Variants in ZNF318 observed in about 807,000 individuals in gnomAD.
The protein encoded by ZNF318 is endocrine regulator.
Under a neutral mutation model 124.2 loss-of-function variants are expected in ZNF318, and 51 were observed. The ratio of observed to expected loss-of-function variants is 0.41; its 90% CI spans 0.33 to 0.52. ZNF318 has a LOEUF of 0.52. Ranked by LOEUF, ZNF318 falls within the 20% of genes least tolerant of loss-of-function variation. The pLI is 0.23. For missense variants in ZNF318, 2,815 were observed against 2,811.2 expected (o/e 1.00, Z -0.03); for synonymous variants, 1,090 against 1,040.7 (o/e 1.05, Z -0.91).
chr6:43,349,346 CA>C (rs1779496391), intron 5 of ZNF318, among the ~76,000 whole-genome samples: 1 of 149,946 alleles, frequency 6.7e-6, no homozygotes, highest in Non-Finnish European at 1.5e-5. Context: ...GACACTTTAA[CA>C]ACTTCTTCAA....
chr6:43,342,432 T>C (rs112223153), intron 7 of ZNF318, among the ~76,000 whole-genome samples: 462 of 148,432 alleles, frequency 3.1e-3, no homozygotes, highest in African/African-American at 0.011. Context: ...AAAAATCAGG[T>C]ACTCAAGGAA....
Position 43,340,317 on chromosome 6 carries a change from G to C in ZNF318, c.3681C>G (p.Asp1227Glu), listed in dbSNP as rs773787811. ...AKAVKEVKED[D>E]KVSEKLEDQL... ...GGTCTTCTAATTTCTCAGAGACCTT[G>C]TCATCCTCCTTTACTTCTTTCACAG... The change falls in exon 10 of 10, where the codon GAC (aspartate) becomes GAG (glutamate). Residue 1227 changes from aspartate to glutamate, a missense_variant. By Grantham distance (45) the Asp-to-Glu change is conservative. Around this residue, in one of 4 missense-constraint regions of ZNF318, gnomAD observed 500 missense variants for 605.2 expected, o/e 0.83. Coordinates refer to ENST00000361428, the MANE Select transcript of ZNF318 (RefSeq NM_014345.3). 6.2e-7 allele frequency: 1 copy of C among 1,614,044 alleles called. No individual in the cohort carries two copies. The highest frequency in any genetic ancestry group is 1.1e-5 in the South Asian group (1 of 91,066).
In ZNF318 at chr6:43,357,699, A is replaced by AT; in HGVS notation, c.614dup (p.Tyr205Ter). 6.2e-7 allele frequency: 1 copy of AT among 1,611,448 alleles called. No homozygotes were observed. The highest frequency in any genetic ancestry group is 8.5e-7 in the Non-Finnish European group (1 of 1,179,988). Residue 205 changes from tyrosine (Y) to a stop codon, truncating the protein, a stop_gained and frameshift_variant, in exon 3 of 10, where the codon TAT becomes TAAT. Coordinates refer to ENST00000361428, the MANE Select transcript of ZNF318 (RefSeq NM_014345.3). LOFTEE classifies it high-confidence loss of function. ...TGAGAGGCCCTTCCTCCTGGGAAAT[A>AT]TATCGCTCAAGACCCCGAGAGCACT... ...SSQCSRGLER[Y>*]ISQEEGPLSP...
At chr6:43,349,489 G>A (rs533615221) in intron 5 of ZNF318, among the ~76,000 whole-genome samples, 1 of 150,050 alleles carries the variant, frequency 6.7e-6, no homozygotes, top group South Asian at 2.1e-4. Flanking sequence ...GCCTCTGAAA[G>A]TGCTGGGATA....
chr6:43,352,594 C>A, intron 4 of ZNF318, 118 bp from the exon 5 acceptor site: 1 of 859,534 alleles, frequency 1.2e-6, no homozygotes, highest in Non-Finnish European at 1.9e-6. Context: ...AATGCCTGCA[C>A]ACAGGCTCTG....
rs1779338322 is a variant in ZNF318 at position 43,339,418 on chromosome 6, C to T, written c.4580G>A (p.Arg1527Gln). The T allele has an allele frequency of 1.2e-5, 20 of 1,613,236 alleles. No homozygotes were observed. The highest frequency in any genetic ancestry group is 5.5e-5 in the South Asian group (5 of 91,040). ...ETAPGVSESD[R>Q]DQTLFSVLVR... ...TAACACAGAGAACAGGGTCTGGTCT[C>T]GGTCACTCTCACTCACCCCAGGAGC... is the stretch of plus-strand genomic sequence containing the variant. Residue 1527 changes from arginine to glutamine, a missense_variant, in exon 10 of 10, where the codon CGA becomes CAA. Arg to Gln is a conservative substitution (Grantham distance 43, BLOSUM62 1). Transcript: ENST00000361428. The surrounding 1 kb of genome is among the most constrained non-coding windows in gnomAD (Gnocchi z 4.2).
intron 3 of ZNF318, 39 bp downstream of exon 3, chr6:43,357,087 G>C (rs1383038785): frequency 1.3e-6 from 2 of 1,565,398 alleles, no homozygotes; most frequent in East Asian, 2.2e-5. Flanking sequence ...AGATATTAGG[G>C]AGACTAGCAA....
intron 6 of ZNF318, among the ~76,000 whole-genome samples, chr6:43,345,042 C>T (rs1327130193): frequency 6.6e-6 from 1 of 151,604 alleles, no homozygotes; most frequent in African/African-American, 2.4e-5. Flanking sequence ...CTTAGGAGTT[C>T]GGGACCAGCC....
Position 43,365,350 on chromosome 6 carries a change from G to A in ZNF318, c.490C>T (p.Arg164Trp), listed in dbSNP as rs757230046. ...NDHFCVSTPE[R>W]RRLSDRLGSP... ...CCCAGCCGATCACTAAGCCGTCGCCGTTCTGGTGTGCTAACACAGAAGTGG... is the reference window on the plus strand; with the variant it reads ...CCCAGCCGATCACTAAGCCGTCGCCATTCTGGTGTGCTAACACAGAAGTGG... The change falls in exon 2 of 10, where the codon CGG becomes TGG. Residue 164 changes from arginine to tryptophan, a missense_variant. By Grantham distance (101) the Arg-to-Trp change is moderately radical. Around this residue, in one of 4 missense-constraint regions of ZNF318, gnomAD observed 1,377 missense variants for 1,353.5 expected, o/e 1.02. Transcript: ENST00000361428. The A allele has an allele frequency of 1.2e-5, 19 of 1,614,148 alleles. No individual in the cohort carries two copies. The highest frequency in any genetic ancestry group is 6.7e-5 in the African/African-American group (5 of 75,038).
intron 6 of ZNF318, among the ~76,000 whole-genome samples, chr6:43,343,791 T>C (rs1779404440): frequency 1.5e-5 from 2 of 134,422 alleles, no homozygotes; most frequent in South Asian, 4.6e-4. Flanking sequence ...ATTGTGCCAC[T>C]GCACTCCAGC....
At chr6:43,348,204 T>A in intron 6 of ZNF318, 120 bp downstream of exon 6, 1 of 1,035,340 alleles carries the variant, frequency 9.7e-7, no homozygotes, top group East Asian at 2.4e-5. Context: ...ATCTATACTG[T>A]AAGAAAATAA....
At position 43,342,836 on chromosome 6, in the gene ZNF318, T is replaced by A. The variant is rs778365453; in HGVS notation, c.3116A>T (p.Lys1039Met). The change falls in exon 7 of 10, where the codon AAG becomes ATG. Residue 1039 changes from lysine (K) to methionine (M), a missense_variant. Around this residue, in one of 4 missense-constraint regions of ZNF318, gnomAD observed 1,377 missense variants for 1,353.5 expected, o/e 1.02. Transcript: ENST00000361428. ...NNEKFRTKSP[K>M]PAESPQSATK... ...GGCTGACTGGGGGCTTTCGGCAGGC[T>A]TGGGGCTCTTAGTACGAAACTTCTC... 6.2e-7 allele frequency: 1 copy of A among 1,613,926 alleles called. No homozygotes were observed. The highest frequency in any genetic ancestry group is 8.5e-7 in the Non-Finnish European group (1 of 1,179,836).
chr6:43,359,301 G>T (rs4714677), intron 2 of ZNF318, among the ~76,000 whole-genome samples: 70,494 of 152,012 alleles, frequency 0.46, 19,370 homozygotes, highest in East Asian at 0.66. Context: ...AAAGGTCTCA[G>T]ACCTTTGTGG....
At chr6:43,362,796 G>A (rs923300864) in intron 2 of ZNF318, among the ~76,000 whole-genome samples, 1 of 152,034 alleles carries the variant, frequency 6.6e-6, no homozygotes, top group African/African-American at 2.4e-5. Flanking sequence ...GAGCCACTGC[G>A]CCAGGCCCAA....
rs1050712803 is a variant in ZNF318, at chr6:43,352,396, C to G, written c.2751G>C (p.Glu917Asp). 1.9e-6 allele frequency: 3 copies of G among 1,614,158 alleles called. No individual in the cohort carries two copies. The highest frequency in any genetic ancestry group is 1.7e-6 in the Non-Finnish European group (2 of 1,180,020). ...TGATACCTTGTTGTTTATGAAGCCG[C>G]TCTAACTCGGTCCTAAGATAGTACA... ...KKMYYLRTEL[E>D]RLHKQQGEML... is the part of the protein sequence containing the mutation. Residue 917 changes from glutamate to aspartate, a missense_variant, in exon 5 of 10, where the codon GAG (glutamate) becomes GAC (aspartate). Around this residue, in one of 4 missense-constraint regions of ZNF318, gnomAD observed 1,377 missense variants for 1,353.5 expected, o/e 1.02. Transcript: ENST00000361428.
Position 43,340,521 on chromosome 6 carries a change from AAG to A in ZNF318, c.3496-21_3496-20del. The A allele has an allele frequency of 1.3e-6, 2 of 1,564,300 alleles. No homozygotes were observed. The highest frequency in any genetic ancestry group is 1.7e-6 in the Non-Finnish European group (2 of 1,161,852). ...CATATTTCTGGGAAGAAAAAAGATA[AAG>A]ACTCAAAAACTGGTGAAAATACAAG... On this transcript the variant is annotated intron_variant, in intron 9 of 9. Transcript: ENST00000361428.
intron 5 of ZNF318, 121 bp downstream of exon 5, chr6:43,352,256 T>TCACCACCATCATCTCGGAG: frequency 1.4e-6 from 1 of 723,582 alleles, no homozygotes; most frequent in Non-Finnish European, 2.3e-6. Flanking sequence ...TTTGTAAGTT[T>TCACCACCATCATCTCGGAG]AATTACGTCA....
chr6:43,353,091 G>A (rs1779555457), intron 4 of ZNF318, among the ~76,000 whole-genome samples: 2 of 152,130 alleles, frequency 1.3e-5, no homozygotes, highest in East Asian at 1.9e-4. Context: ...AGGCCTGTAT[G>A]TGTCTATAAT....
In ZNF318 at chr6:43,354,966, C is replaced by A; in HGVS notation, c.2368G>T (p.Ala790Ser). 6.2e-6 allele frequency: 10 copies of A among 1,609,554 alleles called. No individual in the cohort carries two copies. The highest frequency in any genetic ancestry group is 8.5e-6 in the Non-Finnish European group (10 of 1,177,570). The change falls in exon 4 of 10, where the codon GCC becomes TCC. Residue 790 changes from alanine (A) to serine (S), a missense_variant. Physicochemically the swap from Ala to Ser is moderately conservative, Grantham distance 99. Coordinates refer to ENST00000361428, the MANE Select transcript of ZNF318 (RefSeq NM_014345.3). ...GPAIPPASFD[A>S]YRHYMAYAAS... ...GCATATGCCATGTAGTGCCTATAGG[C>A]ATCAAAAGAGGCAGGGGGAATGGCA...
Sources: gnomAD v4.1 joint callset for allele counts (sites outside exome capture counted in the v4.1 genomes callset) on GRCh38, gnomAD v4.1.1 for gene constraint, gnomAD v4.1.1 regional missense constraint, Gnocchi (gnomAD v3.1) non-coding constraint, MANE v1.5 for transcripts, NCBI Gene and HGNC (gene_info 2026-07-23, HGNC 2026-07-21) for gene names.